Variants in LUC7L2 observed in about 807,000 individuals in gnomAD.
LUC7L2 encodes the protein putative RNA-binding protein Luc7-like 2.
Under a neutral mutation model 52.8 loss-of-function variants are expected in LUC7L2, and 25 were observed. The ratio of observed to expected loss-of-function variants is 0.47; its 90% confidence interval spans 0.34 to 0.66. LUC7L2 has a LOEUF of 0.66. Ranked by LOEUF, LUC7L2 falls within the 30% of genes least tolerant of loss-of-function variation. The pLI, the probability that LUC7L2 is intolerant of heterozygous loss-of-function variation, is 0.01. For missense variants in LUC7L2, 328 were observed against 497.8 expected, an observed-to-expected ratio of 0.66 and a Z score of 3.25; for synonymous variants, 144 against 160.9, an observed-to-expected ratio of 0.89 and a Z score of 0.80.
chr7:139,363,398 G>A (rs1200714372), intron 1 of LUC7L2: 1 of 230,144 alleles, frequency 4.3e-6, no homozygotes. Flanking sequence ...GCACTGGGCT[G>A]AGACTCAGGA....
intron 2 of LUC7L2, among the ~76,000 whole-genome samples, chr7:139,384,980 C>T (rs1794129168): frequency 6.7e-6 from 1 of 149,486 alleles, no homozygotes; most frequent in South Asian, 2.1e-4. Context: ...TAACACAATT[C>T]AGGCTTATGG....
At position 139,423,140 on chromosome 7, in the gene LUC7L2, AAG is replaced by A. The variant is rs1435108890; in HGVS notation, c.*802_*803del. 5.0e-6 allele frequency: 2 copies of A among 398,918 alleles called. No homozygotes were observed. The highest frequency in any genetic ancestry group is 4.4e-6 in the Non-Finnish European group (1 of 226,076). 24.7% of individuals were successfully genotyped at this position (398,918 alleles called of 1,614,324 possible). On this transcript the variant is annotated 3_prime_UTR_variant, in exon 10 of 10. Coordinates refer to ENST00000354926, the MANE Select transcript of LUC7L2 (RefSeq NM_016019.5). ...TAAAAAAATAATAATAATAAAATGA[AAG>A]AAACAATCACCACCACCATTATTAA...
At chr7:139,390,258 T>A (rs1453360398) in intron 2 of LUC7L2, among the ~76,000 whole-genome samples, 1 of 151,820 alleles carries the variant, frequency 6.6e-6, no homozygotes, top group East Asian at 1.9e-4. Flanking sequence ...TTATTTTTTT[T>A]TTTATTTTTA....
At position 139,386,491 on chromosome 7, in the gene LUC7L2, G is replaced by A. The variant is rs538152021; in HGVS notation, c.156+10335G>A. Among the ~76,000 whole-genome samples, 5 of 144,262 alleles carry A rather than the reference G, an allele frequency of 3.5e-5. No individual in the cohort carries two copies. The East Asian group carries it at 6.3e-4, about 18-fold the overall frequency. The allele number at this position is 144,262 out of a possible 152,430, so 94.6% of individuals were successfully genotyped here. A position where few individuals can be genotyped will look rare whatever the true frequency, so the allele number is the denominator to read the frequency against. ...GTGATCTTGGCTTACTGCAAGCTCC[G>A]CCTCCCGGGTTCACACCATTCTCCT... On this transcript the variant is annotated intron_variant, in intron 2 of 9. Coordinates refer to ENST00000354926, the MANE Select transcript of LUC7L2 (RefSeq NM_016019.5).
intron 2 of LUC7L2, among the ~76,000 whole-genome samples, chr7:139,383,916 T>G (rs942451346): frequency 6.6e-6 from 1 of 151,190 alleles, no homozygotes; most frequent in Non-Finnish European, 1.5e-5. Context: ...ATTATTATTA[T>G]TATTTGTATT....
At chr7:139,414,360 T>A (rs1397082777) in intron 8 of LUC7L2, among the ~76,000 whole-genome samples, 1 of 152,236 alleles carries the variant, frequency 6.6e-6, no homozygotes, top group African/African-American at 2.4e-5. Flanking sequence ...TGATAACTGA[T>A]GAGCTGGAAA....
chr7:139,371,736 C>A (rs1490771517), intron 1 of LUC7L2, among the ~76,000 whole-genome samples: 2 of 152,040 alleles, frequency 1.3e-5, no homozygotes, highest in Non-Finnish European at 2.9e-5. Context: ...TTTTTCCCTC[C>A]TGATATATGG....
intron 2 of LUC7L2, among the ~76,000 whole-genome samples, chr7:139,385,427 T>C (rs1188040001): frequency 6.7e-6 from 1 of 150,340 alleles, no homozygotes; most frequent in Non-Finnish European, 1.5e-5. Flanking sequence ...GTTCAAGTGA[T>C]CCTCCTGCCT....
At chr7:139,357,889 C>T (rs542834227), upstream of LUC7L2, among the ~76,000 whole-genome samples, 5 of 152,014 alleles carry the variant, frequency 3.3e-5, no homozygotes, top group East Asian at 7.7e-4. Context: ...GACAGGGTTT[C>T]ACCATGTTGG....
In LUC7L2 at chr7:139,375,417, A is replaced by G. The variant is rs765997516; in HGVS notation, c.62-645A>G. The G allele has an allele frequency of 9.1e-4, 900 of 985,358 alleles. 4 individuals are homozygous for G. Among genetic ancestry groups the G allele is most frequent in the Admixed American group, 1.5e-3 (24 of 16,264 alleles). The allele number at this position is 985,358 out of a possible 1,614,324, so 61.0% of individuals were successfully genotyped here. A position where few individuals can be genotyped will look rare whatever the true frequency, so the allele number is the denominator to read the frequency against. ...ATTAAAGTTAACGTTTCATTAGGCA[A>G]TGTGCCTTTGTTTGACTGGTGTGTA... is the stretch of plus-strand genomic sequence containing the variant. On this transcript the variant is annotated intron_variant, in intron 1 of 9. Transcript: ENST00000354926.
At chr7:139,412,711 C>A in intron 8 of LUC7L2, 131 bp downstream of exon 8, 1 of 1,103,014 alleles carries the variant, frequency 9.1e-7, no homozygotes, top group Non-Finnish European at 1.3e-6. Flanking sequence ...GCTTGTAATC[C>A]CAGCTACTCA....
intron 1 of LUC7L2, chr7:139,341,205 G>T: frequency 9.1e-7 from 1 of 1,101,996 alleles, no homozygotes; most frequent in Non-Finnish European, 1.2e-6. Flanking sequence ...TTGTTACGGC[G>T]CCCCTGGGCC....
chr7:139,383,889 A>G (rs954919578), intron 2 of LUC7L2, among the ~76,000 whole-genome samples: 1 of 151,338 alleles, frequency 6.6e-6, no homozygotes, highest in East Asian at 1.9e-4. Flanking sequence ...GCCCGCTACC[A>G]TGCCTGGCTA....
upstream of LUC7L2, among the ~76,000 whole-genome samples, chr7:139,356,573 G>T (rs1486067814): frequency 6.6e-6 from 1 of 150,558 alleles, no homozygotes; most frequent in Non-Finnish European, 1.5e-5. Context: ...CTTAAGGTCA[G>T]GAGTTTGAGA....
chr7:139,376,270 CT>C (rs1334308260), intron 2 of LUC7L2, 114 bp downstream of exon 2: 2 of 1,054,212 alleles, frequency 1.9e-6, no homozygotes, highest in Non-Finnish European at 2.7e-6. Flanking sequence ...GATTTGCATC[CT>C]TTATTGTTTG....
chr7:139,404,732 T>C lies in LUC7L2; in HGVS notation c.367-912T>C, dbSNP rs191007696. ...ATCCTGGTGGAAAGCTAAGGACTCA[T>C]AGAGTGGAGTTGCCAGGCGAGTATG... On this transcript the variant is annotated intron_variant, in intron 4 of 9. Transcript: ENST00000354926. 3.3e-5 allele frequency among the ~76,000 whole-genome samples: 5 copies of C among 152,270 alleles called. No individual in the cohort carries two copies. In the East Asian group the frequency reaches 9.6e-4, roughly 29 times the overall value.
At chr7:139,401,835 C>T (rs1794930598) in intron 3 of LUC7L2, among the ~76,000 whole-genome samples, 1 of 150,970 alleles carries the variant, frequency 6.6e-6, no homozygotes, top group Non-Finnish European at 1.5e-5. Context: ...CTCACTGCAG[C>T]CTCAGCCTCT....
intron 1 of LUC7L2, chr7:139,341,427 C>A: frequency 1.9e-6 from 3 of 1,613,602 alleles, no homozygotes; most frequent in Non-Finnish European, 2.5e-6. Context: ...TCGAGGACTT[C>A]TGCGGGAGTT....
chr7:139,398,495 G>A, intron 2 of LUC7L2, 104 bp from the exon 3 acceptor site: 2 of 811,238 alleles, frequency 2.5e-6, no homozygotes, highest in South Asian at 2.8e-5. Flanking sequence ...ACATAAAAAA[G>A]CATCTGTATG....
Sources: gnomAD v4.1 joint callset for allele counts (sites outside exome capture counted in the v4.1 genomes callset) on GRCh38, gnomAD v4.1.1 for gene constraint, MANE v1.5 for transcripts, NCBI Gene and HGNC (gene_info 2026-07-23, HGNC 2026-07-21) for gene names.